Variants in COL28A1 observed in about 807,000 individuals in gnomAD.
The protein encoded by COL28A1 is collagen alpha-1(XXVIII) chain.
COL28A1 carries 161 observed loss-of-function variants against 150.2 expected under a neutral mutation model. The ratio of observed to expected loss-of-function variants is 1.07; its 90% CI spans 0.94 to 1.22. COL28A1 has a LOEUF of 1.22. Ranked by LOEUF, COL28A1 falls within the 50% of genes most tolerant of loss-of-function variation. The probability of loss-of-function intolerance (pLI) is 0.00; values close to 1 mark genes in which losing one functional copy is unlikely to be tolerated. For missense variants in COL28A1, 1,617 were observed against 1,388.3 expected (o/e 1.16, Z -2.62); for synonymous variants, 552 against 469.7 (o/e 1.18, Z -2.26).
In COL28A1 at chr7:7,360,386, C is replaced by A; in HGVS notation, c.3205+4G>T. 6.5e-7 allele frequency: 1 copy of A among 1,547,462 alleles called. No homozygotes were observed. Among genetic ancestry groups the A allele is most frequent in the Non-Finnish European group, 8.7e-7 (1 of 1,154,858 alleles). ...AATGGGACTTGGAGTTCTGGTTTAC[C>A]TACCCTCTGCCCCATCCACAGGGGT... On this transcript the variant is annotated splice_donor_region_variant and intron_variant, in intron 34 of 34. Coordinates refer to ENST00000399429, the MANE Select transcript of COL28A1 (RefSeq NM_001037763.3).
At chr7:7,427,582 C>A (rs1226779119) in intron 25 of COL28A1, among the ~76,000 whole-genome samples, 1 of 152,118 alleles carries the variant, frequency 6.6e-6, no homozygotes, top group Non-Finnish European at 1.5e-5. Context: ...TGAGCCATTG[C>A]AGAGAACAGA....
intron 27 of COL28A1, among the ~76,000 whole-genome samples, chr7:7,387,360 A>C (rs1032430553): frequency 2.6e-5 from 4 of 152,192 alleles, no homozygotes; most frequent in African/African-American, 7.2e-5. Flanking sequence ...TTTACTAAAG[A>C]ATAAAACAAT....
chr7:7,530,012 A>G (rs1487319783), intron 3 of COL28A1, among the ~76,000 whole-genome samples: 1 of 152,172 alleles, frequency 6.6e-6, no homozygotes, highest in African/African-American at 2.4e-5. Context: ...CAAGGAAAAA[A>G]AGGCTAGAAA....
chr7:7,512,450 A>G (rs1324974764), intron 8 of COL28A1, among the ~76,000 whole-genome samples: 1 of 152,180 alleles, frequency 6.6e-6, no homozygotes, highest in Non-Finnish European at 1.5e-5. Context: ...TTATCAAATT[A>G]TATTTTATAC....
chr7:7,388,943 G>A (rs1023607846), intron 27 of COL28A1, among the ~76,000 whole-genome samples: 3 of 152,130 alleles, frequency 2.0e-5, no homozygotes, highest in Non-Finnish European at 2.9e-5. Flanking sequence ...CCATTCTGTA[G>A]GTTGCCTGTT....
chr7:7,422,840 G>C lies in COL28A1; in HGVS notation c.1999-2887C>G, dbSNP rs372988788. On this transcript the variant is annotated intron_variant, in intron 25 of 34. Transcript: ENST00000399429. ...CTTACAGTAATAGACGGAAGAGGGA[G>C]AAACACGTTACACAACACCATGAGG... 7.9e-5 allele frequency among the ~76,000 whole-genome samples: 12 copies of C among 152,268 alleles called. 1 individual carries two copies. The highest frequency in any genetic ancestry group is 2.9e-4 in the African/African-American group (12 of 41,558).
intron 6 of COL28A1, 150 bp from the exon 7 acceptor site, chr7:7,517,987 CAAAAAA>C: frequency 2.3e-5 from 12 of 518,982 alleles, no homozygotes; most frequent in Admixed American, 3.9e-5. Flanking sequence ...GCAATCTAGG[CAAAAAA>C]AAAAAAAAAA....
intron 33 of COL28A1, among the ~76,000 whole-genome samples, chr7:7,367,040 A>G (rs922782796): frequency 6.6e-6 from 1 of 152,242 alleles, no homozygotes; most frequent in Non-Finnish European, 1.5e-5. Flanking sequence ...ACACACATAC[A>G]TGACAGTGGT....
chr7:7,455,495 G>GC (rs1172683313), intron 16 of COL28A1, among the ~76,000 whole-genome samples: 2 of 152,080 alleles, frequency 1.3e-5, no homozygotes, highest in African/African-American at 2.4e-5. Context: ...ACCAAGAGGG[G>GC]CCAGGTGTCA....
At chr7:7,422,815 C>A (rs527300114) in intron 25 of COL28A1, among the ~76,000 whole-genome samples, 2 of 152,238 alleles carry the variant, frequency 1.3e-5, no homozygotes, top group East Asian at 3.9e-4. Flanking sequence ...TTACTACCAG[C>A]TTACAGTAAT....
chr7:7,528,621 G>T (rs1377089043), intron 3 of COL28A1, among the ~76,000 whole-genome samples: 2 of 152,140 alleles, frequency 1.3e-5, no homozygotes, highest in African/African-American at 4.8e-5. Context: ...TCATTATACT[G>T]GGTACAAGAA....
At chr7:7,387,095 G>A (rs545382131) in intron 27 of COL28A1, among the ~76,000 whole-genome samples, 10 of 152,206 alleles carry the variant, frequency 6.6e-5, no homozygotes, top group South Asian at 4.2e-4. Context: ...TAACGCCATC[G>A]ACTTGGGGGT....
intron 15 of COL28A1, among the ~76,000 whole-genome samples, chr7:7,461,884 C>T (rs1373676750): frequency 6.6e-6 from 1 of 152,138 alleles, no homozygotes; most frequent in Non-Finnish European, 1.5e-5. Flanking sequence ...TCCCATACTA[C>T]CACAACTGAT....
chr7:7,431,375 G>A (rs1784961298), intron 25 of COL28A1: 1 of 360,830 alleles, frequency 2.8e-6, no homozygotes, highest in Non-Finnish European at 5.6e-6. Context: ...AATATGCAGA[G>A]AAATAAATGA....
At chr7:7,483,112 A>T (rs1779437869) in intron 13 of COL28A1, among the ~76,000 whole-genome samples, 1 of 152,236 alleles carries the variant, frequency 6.6e-6, no homozygotes, top group Admixed American at 6.5e-5. Flanking sequence ...TGGGTTGGTC[A>T]GCATGTAACC....
downstream of COL28A1, among the ~76,000 whole-genome samples, chr7:7,352,883 A>C (rs1334996288): frequency 6.6e-6 from 1 of 152,228 alleles, no homozygotes; most frequent in Non-Finnish European, 1.5e-5. Flanking sequence ...TGGAGGCATA[A>C]GCCAAGGGCT....
intron 20 of COL28A1, among the ~76,000 whole-genome samples, chr7:7,441,954 T>G (rs1358373657): frequency 6.6e-6 from 1 of 152,058 alleles, no homozygotes; most frequent in Non-Finnish European, 1.5e-5. Flanking sequence ...AGAGACAAAA[T>G]TCAACCACAA....
chr7:7,527,078 T>C (rs1782065019), intron 3 of COL28A1, among the ~76,000 whole-genome samples: 1 of 152,242 alleles, frequency 6.6e-6, no homozygotes, highest in African/African-American at 2.4e-5. Flanking sequence ...ATATGTGGCA[T>C]AAGGCTTAAA....
rs573233971 is a variant in COL28A1 at position 7,455,928 on chromosome 7, C to T, written c.1371+116G>A. 37 of 1,367,154 alleles carry T rather than the reference C, an allele frequency of 2.7e-5. No individual in the cohort carries two copies. In the East Asian group the frequency reaches 8.1e-4, roughly 30 times the overall value. 84.7% of individuals were successfully genotyped at this position (1,367,154 alleles called of 1,614,324 possible). A position where few individuals can be genotyped will look rare whatever the true frequency, so the allele number is the denominator to read the frequency against. Reference sequence around the variant, plus strand: ...TATATTCACTTCTGGACTTATACTCCACTGCAATTAACTGTCAAATATACT... The same window carrying T: ...TATATTCACTTCTGGACTTATACTCTACTGCAATTAACTGTCAAATATACT... On this transcript the variant is annotated intron_variant, in intron 16 of 34. Coordinates refer to ENST00000399429, the MANE Select transcript of COL28A1 (RefSeq NM_001037763.3).
Sources: allele counts gnomAD v4.1 joint callset (sites outside exome capture counted in the v4.1 genomes callset), GRCh38; gene constraint gnomAD v4.1.1; transcripts MANE v1.5; gene names NCBI Gene and HGNC (gene_info 2026-07-23, HGNC 2026-07-21).